Variants in BTNL9 observed in about 807,000 individuals in gnomAD.
The protein encoded by BTNL9 is butyrophilin like 9.
BTNL9 carries 45 observed loss-of-function variants against 45.8 expected under a neutral mutation model. The ratio of observed to expected loss-of-function variants is 0.98; its 90% CI spans 0.77 to 1.26. The LOEUF (loss-of-function observed/expected upper bound fraction) is 1.26. Ranked by LOEUF, BTNL9 falls within the 50% of genes most tolerant of loss-of-function variation. BTNL9 has a pLI of 0.00. For missense variants in BTNL9, 784 were observed against 729.7 expected, an observed-to-expected ratio of 1.07 and a Z score of -0.86; for synonymous variants, 346 against 330.8, an observed-to-expected ratio of 1.05 and a Z score of -0.50.
Position 181,056,167 on chromosome 5 carries a change from C to G in BTNL9, c.955+152C>G, listed in dbSNP as rs141029626. On this transcript the variant is annotated intron_variant, in intron 9 of 10. Coordinates refer to ENST00000327705, the MANE Select transcript of BTNL9 (RefSeq NM_152547.5). ...TCTATGTCACTGGGTAGAGGTCATA[C>G]TCTGTCCTGAGGACTAAGTGTACTG... 2,101 of 927,244 alleles carry G rather than the reference C, an allele frequency of 2.3e-3. 21 individuals carry two copies. Among genetic ancestry groups the G allele is most frequent in the Middle Eastern group, 9.4e-3 (29 of 3,084 alleles). 57.4% of individuals were successfully genotyped at this position (927,244 alleles called of 1,614,324 possible).
intron 9 of BTNL9, chr5:181,056,573 G>T (rs763521521): frequency 1.4e-6 from 1 of 717,468 alleles, no homozygotes; most frequent in Non-Finnish European, 2.6e-6. Flanking sequence ...TCCTGGAGAA[G>T]GTATCCAGGC....
In BTNL9 at chr5:181,055,543, G is replaced by A; in HGVS notation, c.928+90G>A. 1 of 1,463,476 alleles carries A rather than the reference G, an allele frequency of 6.8e-7. No homozygotes were observed. The highest frequency in any genetic ancestry group is 9.6e-7 in the Non-Finnish European group (1 of 1,046,732). The allele number at this position is 1,463,476 out of a possible 1,614,324, so 90.7% of individuals were successfully genotyped here. A position where few individuals can be genotyped will look rare whatever the true frequency, so the allele number is the denominator to read the frequency against. On this transcript the variant is annotated intron_variant, in intron 8 of 10. Coordinates refer to ENST00000327705, the MANE Select transcript of BTNL9 (RefSeq NM_152547.5). This position sits in a 1 kb window ranked among gnomAD's most constrained non-coding sequence, Gnocchi z 4.4. The stretch of plus-strand genomic sequence containing the variant: ...CCAGTACTTTGGGAGGCCGAGGCGG[G>A]TGGATCACGAGGTCAGGAGATCGAG...
Position 181,059,304 on chromosome 5 carries a change from G to T in BTNL9, c.1050G>T (p.Val350=). ...AGGTGTCGGAGGATGGCAAGAGCGTGTCTTCCCGCGGGGCGCCGCCAGGCC... is the reference window on the plus strand; with the variant it reads ...AGGTGTCGGAGGATGGCAAGAGCGTTTCTTCCCGCGGGGCGCCGCCAGGCC... ...SLEVSEDGKS[V]SSRGAPPGPA... The change falls in exon 11 of 11, where the codon GTG becomes GTT. Residue 350 remains valine, a synonymous_variant. Coordinates refer to ENST00000327705, the MANE Select transcript of BTNL9 (RefSeq NM_152547.5). 6.4e-7 allele frequency: 1 copy of T among 1,565,504 alleles called. No individual in the cohort carries two copies.
At position 181,055,113 on chromosome 5, in the gene BTNL9, C is replaced by T. The variant is rs1438219425; in HGVS notation, c.908-320C>T. 4 of 1,152,610 alleles carry T rather than the reference C, an allele frequency of 3.5e-6. No individual in the cohort carries two copies. The South Asian group carries it at 1.4e-4, about 39-fold the overall frequency. 71.4% of individuals were successfully genotyped at this position (1,152,610 alleles called of 1,614,324 possible). ...TGCCTGCACTTAGGCGGGAGCTCCGCCCCAGGAAGCTTGTGATTTCAGGCA... is the reference window on the plus strand; with the variant it reads ...TGCCTGCACTTAGGCGGGAGCTCCGTCCCAGGAAGCTTGTGATTTCAGGCA... On this transcript the variant is annotated intron_variant, in intron 7 of 10. Coordinates refer to ENST00000327705, the MANE Select transcript of BTNL9 (RefSeq NM_152547.5). This position sits in a 1 kb window ranked among gnomAD's most constrained non-coding sequence, Gnocchi z 4.4.
chr5:181,056,123 C>A, intron 9 of BTNL9, 108 bp downstream of exon 9: 1 of 1,261,466 alleles, frequency 7.9e-7, no homozygotes, highest in Non-Finnish European at 1.2e-6. Flanking sequence ...ATTCCGTGGC[C>A]TCACACAGCA....
chr5:181,056,693 A>G, intron 9 of BTNL9: 1 of 702,078 alleles, frequency 1.4e-6, no homozygotes, highest in South Asian at 1.5e-5. Context: ...CTGCTGGCCC[A>G]TGGTGGGTAT....
At chr5:181,058,422 A>T (rs1458781356) in intron 10 of BTNL9, 44 bp downstream of exon 10, 2 of 1,613,862 alleles carry the variant, frequency 1.2e-6, no homozygotes, top group East Asian at 2.2e-5. Context: ...GTTTGGCCGG[A>T]TCTTAAACAG....
chr5:181,048,165 G>A lies in BTNL9; in HGVS notation c.348G>A (p.Val116=), dbSNP rs777198296. Residue 116 remains valine (V), a synonymous_variant, in exon 3 of 11, where the codon GTG becomes GTA. Transcript: ENST00000327705. ...LVKDDIAYGS[V]VLQLHSIIPS... ...AGGACGACATCGCCTATGGCAGCGT[G>A]GTCCTGCAGCTTCACAGCATCATCC... The A allele has an allele frequency of 8.7e-6, 14 of 1,613,420 alleles. No individual in the cohort carries two copies. The East Asian group carries it at 2.0e-4, about 23-fold the overall frequency.
At chr5:181,047,878 TAAAAA>T in intron 2 of BTNL9, 44 bp from the exon 3 acceptor site, 2 of 1,524,716 alleles carry the variant, frequency 1.3e-6, no homozygotes, top group Non-Finnish European at 1.8e-6. Context: ...ATAACTTTTT[TAAAAA>T]TTGGATGAGG....
In BTNL9 at chr5:181,055,840, C is replaced by G; in HGVS notation, c.929-149C>G. On this transcript the variant is annotated intron_variant, in intron 8 of 10. Transcript: ENST00000327705. This position sits in a 1 kb window ranked among gnomAD's most constrained non-coding sequence, Gnocchi z 4.4. ...TTCCCCATATATCTTCTTCTCATCT[C>G]CCAACCAGGTATGATGCCCAGGCAG... is the stretch of plus-strand genomic sequence containing the variant. 2 of 870,800 alleles carry G rather than the reference C, an allele frequency of 2.3e-6. No individual in the cohort carries two copies. The highest frequency in any genetic ancestry group is 4.0e-6 in the Non-Finnish European group (2 of 503,590). The allele number at this position is 870,800 out of a possible 1,614,324, so 53.9% of individuals were successfully genotyped here.
chr5:181,050,193 G>C lies in BTNL9; in HGVS notation c.560G>C (p.Arg187Thr). ...TACCCCAAGCCTAAGGTTCAGTGGA[G>C]AGACCACCAGGGACAGTGCCTGCCT... ...GWYPKPKVQW[R>T]DHQGQCLPPE... Residue 187 changes from arginine (R) to threonine (T), a missense_variant, in exon 4 of 11, where the codon AGA becomes ACA. By Grantham distance (71) the Arg-to-Thr change is moderately conservative. Transcript: ENST00000327705. The surrounding 1 kb of genome is among the most constrained non-coding windows in gnomAD (Gnocchi z 4.9). 1 of 1,614,088 alleles carries C rather than the reference G, an allele frequency of 6.2e-7. No homozygotes were observed. Among genetic ancestry groups the C allele is most frequent in the Non-Finnish European group, 8.5e-7 (1 of 1,180,042 alleles).
In BTNL9 at chr5:181,060,140, T is replaced by G. The variant is rs1582157250; in HGVS notation, c.*278T>G. On this transcript the variant is annotated 3_prime_UTR_variant, in exon 11 of 11. Coordinates refer to ENST00000327705, the MANE Select transcript of BTNL9 (RefSeq NM_152547.5). ...GAGCTGGGGTGCTCACGGTGGGCGG[T>G]GGGCAAGAAGCCAGCATGGAAGAAA... The G allele has an allele frequency of 9.4e-6, 4 of 425,602 alleles. No homozygotes were observed. The East Asian group carries it at 1.1e-4, about 12-fold the overall frequency. 26.4% of individuals were successfully genotyped at this position (425,602 alleles called of 1,614,324 possible). A position where few individuals can be genotyped will look rare whatever the true frequency, so the allele number is the denominator to read the frequency against.
rs1008074242 is a variant in BTNL9 at position 181,042,212 on chromosome 5, G to A, written c.-24+1780G>A. Among the ~76,000 whole-genome samples, 3 of 152,230 alleles carry A rather than the reference G, an allele frequency of 2.0e-5. No individual in the cohort carries two copies. Among genetic ancestry groups the A allele is most frequent in the Non-Finnish European group, 4.4e-5 (3 of 68,032 alleles). On this transcript the variant is annotated intron_variant, in intron 1 of 10. Transcript: ENST00000327705. The surrounding 1 kb of genome is among the most constrained non-coding windows in gnomAD (Gnocchi z 4.5). ...CTTATTTCTCCCTGTGCCTTCCGGA[G>A]GGAGCAGCCCAAGGCTCCTGGGAGG... is the stretch of plus-strand genomic sequence containing the variant.
intron 10 of BTNL9, among the ~76,000 whole-genome samples, chr5:181,058,852 G>A (rs1762013389): frequency 6.6e-6 from 1 of 151,020 alleles, no homozygotes; most frequent in African/African-American, 2.4e-5. Flanking sequence ...TCTGTAAAAT[G>A]ACGCTCAGCG....
At position 181,053,590 on chromosome 5, in the gene BTNL9, T is replaced by C; in HGVS notation, c.886+89T>C. On this transcript the variant is annotated intron_variant, in intron 6 of 10. Coordinates refer to ENST00000327705, the MANE Select transcript of BTNL9 (RefSeq NM_152547.5). The surrounding 1 kb of genome is among the most constrained non-coding windows in gnomAD (Gnocchi z 6.5). Reference sequence around the variant, plus strand: ...GGCTGTGGGTCCCGTTACGAGGGTTTATTCCAGCGCGAGGTGTCAGGGCGG... The same window carrying C: ...GGCTGTGGGTCCCGTTACGAGGGTTCATTCCAGCGCGAGGTGTCAGGGCGG... 2.6e-6 allele frequency: 4 copies of C among 1,550,080 alleles called. No individual in the cohort carries two copies. The highest frequency in any genetic ancestry group is 1.4e-5 in the African/African-American group (1 of 73,164).
At position 181,055,778 on chromosome 5, in the gene BTNL9, A is replaced by G. The variant is rs1761848792; in HGVS notation, c.929-211A>G. The G allele has an allele frequency of 5.5e-6, 4 of 726,104 alleles. No individual in the cohort carries two copies. Among genetic ancestry groups the G allele is most frequent in the East Asian group, 2.7e-5 (1 of 37,512 alleles). The allele number at this position is 726,104 out of a possible 1,614,324, so 45.0% of individuals were successfully genotyped here. A position where few individuals can be genotyped will look rare whatever the true frequency, so the allele number is the denominator to read the frequency against. On this transcript the variant is annotated intron_variant, in intron 8 of 10. Coordinates refer to ENST00000327705, the MANE Select transcript of BTNL9 (RefSeq NM_152547.5). The surrounding 1 kb of genome is among the most constrained non-coding windows in gnomAD (Gnocchi z 4.4). ...AGCGAGACTCTGTCTCAAAAAAAAAAAGAACTATTTCTCCTCATTCATCAT... is the reference window on the plus strand; with the variant it reads ...AGCGAGACTCTGTCTCAAAAAAAAAGAGAACTATTTCTCCTCATTCATCAT...
At position 181,055,606 on chromosome 5, in the gene BTNL9, A is replaced by G. The variant is rs1355959480; in HGVS notation, c.928+153A>G. On this transcript the variant is annotated intron_variant, in intron 8 of 10. Coordinates refer to ENST00000327705, the MANE Select transcript of BTNL9 (RefSeq NM_152547.5). The surrounding 1 kb of genome is among the most constrained non-coding windows in gnomAD (Gnocchi z 4.4). ...AACACAGTGAAACCCCGTCTCTTCT[A>G]AAAATACAAAAAATTAGCCCGGCGT... The G allele has an allele frequency of 2.2e-6, 2 of 895,246 alleles. No individual in the cohort carries two copies. The highest frequency in any genetic ancestry group is 4.9e-5 in the East Asian group (2 of 40,484). The allele number at this position is 895,246 out of a possible 1,614,324, so 55.5% of individuals were successfully genotyped here.
Position 181,059,321 on chromosome 5 carries a change from C to G in BTNL9, c.1067C>G (p.Pro356Arg). The G allele has an allele frequency of 6.4e-7, 1 of 1,553,540 alleles. No individual in the cohort carries two copies. The highest frequency in any genetic ancestry group is 8.7e-7 in the Non-Finnish European group (1 of 1,154,388). ...DGKSVSSRGA[P>R]PGPAPGHPQR... ...AAGAGCGTGTCTTCCCGCGGGGCGC[C>G]GCCAGGCCCGGCGCCTGGCCACCCG... Residue 356 changes from proline (P) to arginine (R), a missense_variant, in exon 11 of 11, where the codon CCG (proline) becomes CGG (arginine). Physicochemically the swap from Pro to Arg is moderately radical, Grantham distance 103 (BLOSUM62 -2). Coordinates refer to ENST00000327705, the MANE Select transcript of BTNL9 (RefSeq NM_152547.5).
intron 7 of BTNL9, chr5:181,054,683 TAG>T (rs1761781885): frequency 3.0e-6 from 3 of 983,672 alleles, no homozygotes; most frequent in South Asian, 9.4e-5. Flanking sequence ...TGTGTCTCTG[TAG>T]AGAGGAAGAG....
Sources: allele counts gnomAD v4.1 joint callset (sites outside exome capture counted in the v4.1 genomes callset), GRCh38; gene constraint gnomAD v4.1.1; non-coding constraint Gnocchi (gnomAD v3.1); transcripts MANE v1.5; gene names NCBI Gene and HGNC (gene_info 2026-07-23, HGNC 2026-07-21).